DYNC1I2: variants seen among roughly 807,000 people sequenced by gnomAD.
DYNC1I2 encodes dynein cytoplasmic 1 intermediate chain 2.
Under a neutral mutation model 88.6 loss-of-function variants are expected in DYNC1I2, and 53 were observed. That is an observed-to-expected ratio of 0.60 (90% CI 0.48 to 0.75). DYNC1I2 has a LOEUF of 0.75. DYNC1I2 is among the 30% of genes least tolerant of loss of function. The pLI, the probability that DYNC1I2 is intolerant of heterozygous loss-of-function variation, is 0.00. For missense variants in DYNC1I2, 458 were observed against 766.6 expected (o/e 0.60, Z 4.75); for synonymous variants, 198 against 254.6 (o/e 0.78, Z 2.12).
chr2:171,706,803 A>G, intron 4 of DYNC1I2: 1 of 451,422 alleles, frequency 2.2e-6, no homozygotes, highest in South Asian at 5.1e-5. Context: ...GAAAGAAAAA[A>G]TTATTAGACA....
chr2:171,737,257 A>G (rs1689072116), intron 15 of DYNC1I2, among the ~76,000 whole-genome samples: 1 of 152,110 alleles, frequency 6.6e-6, no homozygotes, highest in South Asian at 2.1e-4. Flanking sequence ...AAGGATACCA[A>G]TCATGCTAGA....
chr2:171,715,254 TTTAA>T lies in DYNC1I2; in HGVS notation c.396-71_396-68del, dbSNP rs1262224749. ...TTACAATGTTGGGTGCAAATGACTG[TTTAA>T]TTCTTAATTTTTGAAAATAACATGG... On this transcript the variant is annotated intron_variant, in intron 6 of 17. Transcript: ENST00000397119. 8.4e-6 allele frequency: 8 copies of T among 950,004 alleles called. No homozygotes were observed. In the East Asian group the frequency reaches 2.1e-4, roughly 25 times the overall value. 58.8% of individuals were successfully genotyped at this position (950,004 alleles called of 1,614,324 possible).
intron 3 of DYNC1I2, among the ~76,000 whole-genome samples, chr2:171,695,849 A>G (rs940990802): frequency 3.3e-5 from 5 of 152,184 alleles, no homozygotes; most frequent in Non-Finnish European, 5.9e-5. Flanking sequence ...GCTTTACCAT[A>G]TTCACATGAT....
intron 1 of DYNC1I2, chr2:171,687,901 C>T (rs1400209812): frequency 6.6e-6 from 1 of 152,326 alleles, no homozygotes; most frequent in Non-Finnish European, 1.5e-5. Flanking sequence ...CCCTCAAGGC[C>T]TCCCTGCCTG....
chr2:171,734,501 C>T (rs558615408), intron 15 of DYNC1I2, among the ~76,000 whole-genome samples: 14 of 152,266 alleles, frequency 9.2e-5, no homozygotes, highest in African/African-American at 3.1e-4. Context: ...CTTCCTTGGG[C>T]CTTATATAGA....
chr2:171,712,922 A>G, intron 6 of DYNC1I2, 96 bp downstream of exon 6: 1 of 1,027,270 alleles, frequency 9.7e-7, no homozygotes, highest in South Asian at 1.4e-5. Flanking sequence ...ATAATATTGT[A>G]TCACGTAGTA....
chr2:171,747,688 GA>G lies in DYNC1I2; in HGVS notation c.1804-83del, dbSNP rs1181339067. 4 of 901,784 alleles carry G rather than the reference GA, an allele frequency of 4.4e-6. No homozygotes were observed. In the African/African-American group the frequency reaches 6.8e-5, roughly 15 times the overall value. 55.9% of individuals were successfully genotyped at this position (901,784 alleles called of 1,614,324 possible). On this transcript the variant is annotated intron_variant, in intron 17 of 17. Coordinates refer to ENST00000397119, the MANE Select transcript of DYNC1I2 (RefSeq NM_001378.3). ...TCAGGTCAATTATTACTTTTTAACA[GA>G]AAAATTATTTGAAAACAAACTGAAT...
At position 171,745,793 on chromosome 2, in the gene DYNC1I2, T is replaced by C. The variant is rs1689738589; in HGVS notation, c.1678-9T>C. 6.2e-7 allele frequency: 1 copy of C among 1,611,804 alleles called. No homozygotes were observed. The highest frequency in any genetic ancestry group is 1.7e-5 in the Admixed American group (1 of 59,672). ...TTTTAACACTGTCCTTTATTTTAAA[T>C]GACTTTAGGTACCAACTGCCAGCAT... On this transcript the variant is annotated splice_polypyrimidine_tract_variant and intron_variant, in intron 16 of 17. Transcript: ENST00000397119.
chr2:171,726,422 T>C, intron 10 of DYNC1I2, 129 bp downstream of exon 10: 1 of 673,004 alleles, frequency 1.5e-6, no homozygotes, highest in Non-Finnish European at 2.4e-6. Context: ...TGGATGATGG[T>C]TCTAATGTTA....
chr2:171,703,163 A>G (rs1686400238), intron 3 of DYNC1I2, among the ~76,000 whole-genome samples: 1 of 152,198 alleles, frequency 6.6e-6, no homozygotes, highest in South Asian at 2.1e-4. Flanking sequence ...CATTATTACT[A>G]GGTCATGTCT....
At chr2:171,693,075 C>T (rs764952649) in intron 3 of DYNC1I2, 181 bp downstream of exon 3, 5 of 565,586 alleles carry the variant, frequency 8.8e-6, no homozygotes, top group Non-Finnish European at 1.3e-5. Context: ...TTTATTTGTT[C>T]AAAAGAGCTG....
chr2:171,713,149 T>A (rs987499915), intron 6 of DYNC1I2, among the ~76,000 whole-genome samples: 2 of 152,134 alleles, frequency 1.3e-5, no homozygotes, highest in African/African-American at 4.8e-5. Context: ...CAGGGTTACT[T>A]GATATGAATA....
At chr2:171,726,589 T>G (rs931550206) in intron 10 of DYNC1I2, 1 of 612,208 alleles carries the variant, frequency 1.6e-6, no homozygotes, top group Non-Finnish European at 2.6e-6. Context: ...TGTTTTAACA[T>G]TAAAACATTT....
chr2:171,740,518 T>A (rs1451398580), intron 15 of DYNC1I2, among the ~76,000 whole-genome samples: 1 of 152,220 alleles, frequency 6.6e-6, no homozygotes, highest in Non-Finnish European at 1.5e-5. Flanking sequence ...TTGGTCTTTT[T>A]AAAAAATGTG....
At chr2:171,725,854 G>T in intron 8 of DYNC1I2, 65 bp from the exon 9 acceptor site, 1 of 1,419,442 alleles carries the variant, frequency 7.0e-7, no homozygotes, top group Non-Finnish European at 9.6e-7. Flanking sequence ...GATCCATACT[G>T]TGATAGTGAG....
At chr2:171,743,772 A>C (rs1689602099) in intron 15 of DYNC1I2, among the ~76,000 whole-genome samples, 1 of 152,228 alleles carries the variant, frequency 6.6e-6, no homozygotes, top group African/African-American at 2.4e-5. Flanking sequence ...GAATCTTCTC[A>C]TTGACAGATG....
chr2:171,729,552 AT>A lies in DYNC1I2; in HGVS notation c.1392-156del, dbSNP rs1440490765. On this transcript the variant is annotated intron_variant, in intron 14 of 17. Transcript: ENST00000397119. ...AGTAGAGTTACCAAATGTGGATGGA[AT>A]AACACTCAACAAAGTTAATTCTGAT... 3.9e-5 allele frequency among the ~76,000 whole-genome samples: 6 copies of A among 152,338 alleles called. No individual in the cohort carries two copies. The East Asian group carries it at 1.2e-3, about 29-fold the overall frequency.
chr2:171,744,647 T>C (rs972183429), intron 16 of DYNC1I2, among the ~76,000 whole-genome samples: 4 of 152,226 alleles, frequency 2.6e-5, no homozygotes, highest in African/African-American at 9.6e-5. Flanking sequence ...TTTTGATTTT[T>C]GATGAGTTTT....
Position 171,747,784 on chromosome 2 carries a change from T to C in DYNC1I2, c.1812T>C (p.Ala604=). 1.2e-6 allele frequency: 2 copies of C among 1,606,624 alleles called. No individual in the cohort carries two copies. The highest frequency in any genetic ancestry group is 1.7e-6 in the Non-Finnish European group (2 of 1,175,728). The change falls in exon 18 of 18, where the codon GCT becomes GCC. Residue 604 remains alanine, a synonymous_variant. Coordinates refer to ENST00000397119, the MANE Select transcript of DYNC1I2 (RefSeq NM_001378.3). ...TGTCTTTCTTTTAACAGCAGATTGCTGTTCCCCGCAATGATGAATGGGCAC... is the reference window on the plus strand; with the variant it reads ...TGTCTTTCTTTTAACAGCAGATTGCCGTTCCCCGCAATGATGAATGGGCAC... ...IVIYDVGEQI[A]VPRNDEWARF... is the part of the protein sequence containing the mutation.
Sources: gnomAD v4.1 joint callset for allele counts (sites outside exome capture counted in the v4.1 genomes callset) on GRCh38, gnomAD v4.1.1 for gene constraint, MANE v1.5 for transcripts, NCBI Gene and HGNC (gene_info 2026-07-23, HGNC 2026-07-21) for gene names.